NUP210L: variants seen among roughly 807,000 people sequenced by gnomAD.
NUP210L encodes nuclear pore membrane glycoprotein 210-like.
A neutral mutation model predicts 208.5 loss-of-function variants in NUP210L; 74 were observed. The observed-to-expected ratio is 0.35, with a 90% CI of 0.29 to 0.43. The LOEUF (loss-of-function observed/expected upper bound fraction) is 0.43, where lower values mean the gene tolerates loss of function less well. Among genes scored for constraint, NUP210L ranks in the 20% least tolerant of loss-of-function variants. The pLI is 1.00. For missense variants in NUP210L, 1,843 were observed against 2,289.4 expected, an observed-to-expected ratio of 0.81 and a Z score of 3.98; for synonymous variants, 780 against 816.9, an observed-to-expected ratio of 0.95 and a Z score of 0.77.
At chr1:154,049,219 A>G (rs866844419) in intron 25 of NUP210L, among the ~76,000 whole-genome samples, 3 of 152,278 alleles carry the variant, frequency 2.0e-5, no homozygotes, top group African/African-American at 7.2e-5. Flanking sequence ...GAAGGGCCCA[A>G]TGGACAACCT....
chr1:154,140,273 C>T (rs1658772945), intron 4 of NUP210L, among the ~76,000 whole-genome samples: 1 of 151,528 alleles, frequency 6.6e-6, no homozygotes, highest in Admixed American at 6.6e-5. Flanking sequence ...ATCACTTGAA[C>T]CCAGGAGATG....
At chr1:154,021,506 C>A (rs1651562890) in intron 32 of NUP210L, among the ~76,000 whole-genome samples, 2 of 150,424 alleles carry the variant, frequency 1.3e-5, no homozygotes, top group African/African-American at 2.4e-5. Flanking sequence ...AAAAAAAAAA[C>A]AAAACAAAGT....
chr1:154,068,839 G>C (rs573655825), intron 17 of NUP210L, among the ~76,000 whole-genome samples: 43 of 152,170 alleles, frequency 2.8e-4, no homozygotes, highest in Non-Finnish European at 5.0e-4. Flanking sequence ...GTGGGGGAAG[G>C]GGGGAGGGAT....
intron 13 of NUP210L, among the ~76,000 whole-genome samples, chr1:154,103,068 G>T (rs912168793): frequency 6.8e-6 from 1 of 146,750 alleles, no homozygotes; most frequent in Non-Finnish European, 1.5e-5. Flanking sequence ...ACGGTGGTGA[G>T]ACCCTGTCTC....
At chr1:154,105,531 T>C (rs1356150489) in intron 12 of NUP210L, among the ~76,000 whole-genome samples, 1 of 152,010 alleles carries the variant, frequency 6.6e-6, no homozygotes, top group Non-Finnish European at 1.5e-5. Context: ...CATTTGGTGG[T>C]TTCCAGTATT....
At chr1:153,993,208 C>T (rs937534964) in intron 38 of NUP210L, 119 bp from the exon 39 acceptor site, 6 of 626,398 alleles carry the variant, frequency 9.6e-6, no homozygotes, top group African/African-American at 5.7e-5. Context: ...ATAGTAATGG[C>T]ACTATTACAG....
chr1:154,130,921 T>A (rs1038974693), intron 7 of NUP210L, among the ~76,000 whole-genome samples: 1 of 151,960 alleles, frequency 6.6e-6, no homozygotes, highest in Non-Finnish European at 1.5e-5. Flanking sequence ...GGTAACTCTG[T>A]GCCAAAGTTA....
intron 12 of NUP210L, among the ~76,000 whole-genome samples, chr1:154,106,641 C>A (rs1656775927): frequency 6.6e-6 from 1 of 152,198 alleles, no homozygotes; most frequent in African/African-American, 2.4e-5. Context: ...CCACCCCCAG[C>A]TCCAGACAGC....
chr1:154,154,723 G>A (rs1659607184), intron 1 of NUP210L, 119 bp downstream of exon 1: 13 of 792,500 alleles, frequency 1.6e-5, no homozygotes, highest in South Asian at 1.1e-4. Flanking sequence ...CTCCCCTACC[G>A]GCTAGGCCCC....
At chr1:154,116,321 G>A (rs1209386653) in intron 12 of NUP210L, among the ~76,000 whole-genome samples, 6 of 151,922 alleles carry the variant, frequency 3.9e-5, no homozygotes, top group South Asian at 2.1e-4. Context: ...CTACTCAGGA[G>A]GCTGAGGCAG....
chr1:154,110,876 T>G (rs899456605), intron 12 of NUP210L, among the ~76,000 whole-genome samples: 1 of 149,712 alleles, frequency 6.7e-6, no homozygotes, highest in African/African-American at 2.5e-5. Context: ...AGACCTTGCC[T>G]GAAAAAAAAG....
At chr1:154,058,053 T>C (rs1308524194) in intron 22 of NUP210L, 36 bp downstream of exon 22, 3 of 1,612,174 alleles carry the variant, frequency 1.9e-6, no homozygotes, top group South Asian at 2.2e-5. Flanking sequence ...TCTTATGATA[T>C]GCAGAGTGGG....
chr1:154,140,003 T>C (rs1419837241), intron 4 of NUP210L, 51 bp from the exon 5 acceptor site: 3 of 1,434,292 alleles, frequency 2.1e-6, no homozygotes, highest in Non-Finnish European at 2.9e-6. Flanking sequence ...CGAAGGGTTC[T>C]TCCAAAAGTC....
rs34861266 is a variant in NUP210L at position 154,084,038 on chromosome 1, C to CTTT, written c.2361+5380_2361+5382dup. On this transcript the variant is annotated intron_variant, in intron 16 of 39. Transcript: ENST00000368559. ...GTTGTTTTTTCTTTCCTTTTCCTTT[C>CTTT]TTTTTTTTTTTTTTTTTTTGAGACA... 9.7e-4 allele frequency among the ~76,000 whole-genome samples: 101 copies of CTTT among 103,604 alleles called. 2 individuals are homozygous for CTTT. Among genetic ancestry groups the CTTT allele is most frequent in the African/African-American group, 2.1e-3 (59 of 28,024 alleles). 68.0% of individuals were successfully genotyped at this position (103,604 alleles called of 152,430 possible). A position where few individuals can be genotyped will look rare whatever the true frequency, so the allele number is the denominator to read the frequency against.
intron 28 of NUP210L, among the ~76,000 whole-genome samples, chr1:154,029,468 C>A (rs1334391571): frequency 6.6e-6 from 1 of 151,242 alleles, no homozygotes; most frequent in African/African-American, 2.4e-5. Flanking sequence ...CTTTGGGAGG[C>A]CGAGGCAGGA....
chr1:154,101,206 C>T (rs1571273187), intron 13 of NUP210L, among the ~76,000 whole-genome samples: 6 of 142,918 alleles, frequency 4.2e-5, no homozygotes, highest in South Asian at 4.4e-4. Flanking sequence ...TGGCTGGGGG[C>T]GGTGGCTCAT....
exon 27 of NUP210L, chr1:154,046,168 G>A (rs1221416225): frequency 1.2e-6 from 2 of 1,614,012 alleles, no homozygotes; most frequent in South Asian, 1.1e-5. Flanking sequence ...AAGGGGTCTG[G>A]GTACTGGTTA....
chr1:154,078,300 C>A (rs1186267155), intron 16 of NUP210L, among the ~76,000 whole-genome samples: 6 of 149,030 alleles, frequency 4.0e-5, no homozygotes, highest in African/African-American at 1.5e-4. Context: ...AAGATCCTAT[C>A]TCCAAAAAAA....
At chr1:154,084,242 T>G (rs1655510842) in intron 16 of NUP210L, among the ~76,000 whole-genome samples, 1 of 151,180 alleles carries the variant, frequency 6.6e-6, no homozygotes, top group Non-Finnish European at 1.5e-5. Flanking sequence ...GACACAGTCT[T>G]GCTTTGTTGC....
Sources: gnomAD v4.1 joint callset for allele counts (sites outside exome capture counted in the v4.1 genomes callset) on GRCh38, gnomAD v4.1.1 for gene constraint, MANE v1.5 for transcripts, NCBI Gene and HGNC (gene_info 2026-07-23, HGNC 2026-07-21) for gene names.